BDH2: variants seen among roughly 807,000 people sequenced by gnomAD.
The protein encoded by BDH2 is 3-hydroxybutyrate dehydrogenase 2.
BDH2 carries 24 observed loss-of-function variants against 33.2 expected under a neutral mutation model. That is an observed-to-expected ratio of 0.72 (90% CI 0.52 to 1.02). The LOEUF is 1.02. Among genes scored for constraint, BDH2 ranks in the 50% least tolerant of loss-of-function variants. BDH2 has a pLI of 0.00. For missense variants in BDH2, 249 were observed against 301.6 expected (o/e 0.83, Z 1.29); for synonymous variants, 81 against 101.6 (o/e 0.80, Z 1.22).
At position 103,079,680 on chromosome 4, in the gene BDH2, T is replaced by C. The variant is rs750349141; in HGVS notation, c.*22A>G. 1 of 1,611,496 alleles carries C rather than the reference T, an allele frequency of 6.2e-7. No homozygotes were observed. ...GTGGATAGGAAGGGCCTGCCTTCCTTCCCACCATGGAGATCCTAAAATCAC... is the reference window on the plus strand; with the variant it reads ...GTGGATAGGAAGGGCCTGCCTTCCTCCCCACCATGGAGATCCTAAAATCAC... On this transcript the variant is annotated 3_prime_UTR_variant, in exon 10 of 10. Coordinates refer to ENST00000296424, the MANE Select transcript of BDH2 (RefSeq NM_020139.4).
intron 5 of BDH2, among the ~76,000 whole-genome samples, chr4:103,090,016 C>G (rs904510968): frequency 2.0e-4 from 31 of 152,260 alleles, no homozygotes; most frequent in African/African-American, 6.5e-4. Context: ...GTTGAATATT[C>G]AGAGTAGAAT....
chr4:103,095,121 A>G (rs1260417455), intron 3 of BDH2, 82 bp downstream of exon 3: 13 of 1,080,558 alleles, frequency 1.2e-5, no homozygotes, highest in Non-Finnish European at 1.7e-5. Context: ...TAGCTAGGGA[A>G]TTTTCTTTCA....
Position 103,096,294 on chromosome 4 carries a change from A to G in BDH2, c.-20-20T>C. 6.7e-7 allele frequency: 1 copy of G among 1,487,566 alleles called. No individual in the cohort carries two copies. The highest frequency in any genetic ancestry group is 2.3e-5 in the East Asian group (1 of 44,262). 92.1% of individuals were successfully genotyped at this position (1,487,566 alleles called of 1,614,324 possible). Reference sequence around the variant, plus strand: ...TTTAATCTAAAGACATGTGTGTTTAATGGGTTATACTGTAGAACATGATCT... The same window carrying G: ...TTTAATCTAAAGACATGTGTGTTTAGTGGGTTATACTGTAGAACATGATCT... On this transcript the variant is annotated intron_variant, in intron 1 of 9. Transcript: ENST00000296424.
chr4:103,096,093 G>A (rs1748388805), intron 2 of BDH2, 90 bp downstream of exon 2: 2 of 887,722 alleles, frequency 2.3e-6, no homozygotes, highest in Admixed American at 2.6e-5. Context: ...AAAAAGCAGA[G>A]CAGAAGTAAA....
At chr4:103,082,022 G>A in intron 9 of BDH2, 59 bp downstream of exon 9, 1 of 1,377,796 alleles carries the variant, frequency 7.3e-7, no homozygotes, top group Non-Finnish European at 1.0e-6. Flanking sequence ...ATTTTGATGA[G>A]CAAATTGTGG....
chr4:103,084,512 T>C (rs1747677210), intron 7 of BDH2, among the ~76,000 whole-genome samples: 1 of 152,218 alleles, frequency 6.6e-6, no homozygotes, highest in African/African-American at 2.4e-5. Flanking sequence ...TCCTGATAAG[T>C]CCAGTCGCTG....
chr4:103,092,090 A>G (rs1748131415), intron 4 of BDH2, among the ~76,000 whole-genome samples: 2 of 152,200 alleles, frequency 1.3e-5, no homozygotes, highest in South Asian at 4.1e-4. Flanking sequence ...GTAATTCATT[A>G]TAAAATATTG....
chr4:103,093,696 A>G (rs1009638442), intron 3 of BDH2, among the ~76,000 whole-genome samples: 7 of 146,658 alleles, frequency 4.8e-5, no homozygotes, highest in African/African-American at 7.4e-5. Context: ...ATTAATATGT[A>G]TATGTATAAT....
intron 7 of BDH2, 114 bp downstream of exon 7, chr4:103,085,235 A>G (rs1336290118): frequency 2.6e-5 from 20 of 780,078 alleles, no homozygotes; most frequent in Non-Finnish European, 4.0e-5. Context: ...TGCAACTATT[A>G]TACTAAACTC....
chr4:103,090,839 C>T (rs1021301442), intron 5 of BDH2, among the ~76,000 whole-genome samples: 2 of 152,128 alleles, frequency 1.3e-5, no homozygotes, highest in Non-Finnish European at 2.9e-5. Flanking sequence ...TAAAACCACG[C>T]CACATATTCT....
chr4:103,095,193 A>T lies in BDH2; in HGVS notation c.151+10T>A. The stretch of plus-strand genomic sequence containing the variant: ...ACTGAATCCCAAATTCAAGCTGCTG[A>T]GTTGCTTACCCGGGTACTTTTCCAG... On this transcript the variant is annotated intron_variant, in intron 3 of 9. Coordinates refer to ENST00000296424, the MANE Select transcript of BDH2 (RefSeq NM_020139.4). 1 of 1,611,414 alleles carries T rather than the reference A, an allele frequency of 6.2e-7. No homozygotes were observed. The highest frequency in any genetic ancestry group is 1.1e-5 in the South Asian group (1 of 91,030).
chr4:103,094,554 G>T (rs1748272293), intron 3 of BDH2, among the ~76,000 whole-genome samples: 1 of 151,924 alleles, frequency 6.6e-6, no homozygotes. Context: ...TTGAATATAT[G>T]CAATTTTTAT....
chr4:103,084,285 G>A (rs1747664043), intron 7 of BDH2, among the ~76,000 whole-genome samples: 1 of 152,144 alleles, frequency 6.6e-6, no homozygotes, highest in Admixed American at 6.5e-5. Context: ...GCAAGCCCAT[G>A]CCTTTAGAGT....
chr4:103,078,024 C>G lies in BDH2; in HGVS notation c.*1678G>C, dbSNP rs1335527239. On this transcript the variant is annotated 3_prime_UTR_variant, in exon 10 of 10. Coordinates refer to ENST00000296424, the MANE Select transcript of BDH2 (RefSeq NM_020139.4). The stretch of plus-strand genomic sequence containing the variant: ...ACTGCATGATATTCTTCCCCATACA[C>G]AAAGTGTTATCTTTTTGTTGTCCAT... Among the ~76,000 whole-genome samples the G allele has an allele frequency of 2.0e-5, 3 of 152,190 alleles. No homozygotes were observed. The highest frequency in any genetic ancestry group is 6.5e-5 in the Admixed American group (1 of 15,284).
Position 103,078,271 on chromosome 4 carries a change from TTTTC to T in BDH2, c.*1427_*1430del, listed in dbSNP as rs1433077674. Among the ~76,000 whole-genome samples, 1 of 152,240 alleles carries T rather than the reference TTTTC, an allele frequency of 6.6e-6. No homozygotes were observed. The highest frequency in any genetic ancestry group is 6.5e-5 in the Admixed American group (1 of 15,286). On this transcript the variant is annotated 3_prime_UTR_variant, in exon 10 of 10. Transcript: ENST00000296424. Reference sequence around the variant, plus strand: ...AAATTTACTTTTCTTGAAAAATTTATTTTCTTTAATTTCGTTTGTTTCCTGTTAC... The same window carrying T: ...AAATTTACTTTTCTTGAAAAATTTATTTTAATTTCGTTTGTTTCCTGTTAC...
chr4:103,096,314 T>G lies in BDH2; in HGVS notation c.-20-40A>C, dbSNP rs918881086. On this transcript the variant is annotated intron_variant, in intron 1 of 9. Transcript: ENST00000296424. ...GTTTAATGGGTTATACTGTAGAACA[T>G]GATCTTGAGCAGGCAGTAACATCTA... The G allele has an allele frequency of 9.7e-6, 13 of 1,335,024 alleles. No homozygotes were observed. The East Asian group carries it at 2.3e-4, about 24-fold the overall frequency. The allele number at this position is 1,335,024 out of a possible 1,614,324, so 82.7% of individuals were successfully genotyped here. A position where few individuals can be genotyped will look rare whatever the true frequency, so the allele number is the denominator to read the frequency against.
intron 9 of BDH2, 21 bp from the exon 10 acceptor site, chr4:103,079,776 A>C: frequency 6.2e-7 from 1 of 1,607,082 alleles, no homozygotes; most frequent in Non-Finnish European, 8.5e-7. Context: ...AAACACAAGG[A>C]GACAGAACAA....
rs1748166011 is a variant in BDH2, at chr4:103,092,689, T to G, written c.159A>C (p.Gln53His). 6.2e-7 allele frequency: 1 copy of G among 1,609,270 alleles called. No homozygotes were observed. Among genetic ancestry groups the G allele is most frequent in the African/African-American group, 1.3e-5 (1 of 74,804 alleles). ...LQELEKYPGI[Q>H]TRVLDVTKKK... ...TCTTTGTGACATCAAGGACACGAGT[T>G]TGAATACCTGAAAAATAAAACAAGA... Residue 53 changes from glutamine (Q) to histidine (H), a missense_variant, in exon 4 of 10, where the codon CAA becomes CAC. Coordinates refer to ENST00000296424, the MANE Select transcript of BDH2 (RefSeq NM_020139.4).
chr4:103,087,148 A>G (rs1285109369), intron 5 of BDH2, among the ~76,000 whole-genome samples: 1 of 152,102 alleles, frequency 6.6e-6, no homozygotes, highest in South Asian at 2.1e-4. Context: ...TCAGAAAAAT[A>G]AAAGAAAAGG....
Sources: allele counts gnomAD v4.1 joint callset (sites outside exome capture counted in the v4.1 genomes callset), GRCh38; gene constraint gnomAD v4.1.1; transcripts MANE v1.5; gene names NCBI Gene and HGNC (gene_info 2026-07-23, HGNC 2026-07-21).